SNAP91: variants seen among roughly 807,000 people sequenced by gnomAD.
SNAP91 encodes synaptosome associated protein 91.
SNAP91 carries 27 observed loss-of-function variants against 100.3 expected under a neutral mutation model. The observed-to-expected ratio is 0.27, with a 90% CI of 0.20 to 0.37. The LOEUF (loss-of-function observed/expected upper bound fraction) is 0.37. SNAP91 is among the 10% of genes least tolerant of loss of function. The pLI is 1.00. For missense variants in SNAP91, 986 were observed against 1,123.7 expected, an observed-to-expected ratio of 0.88 and a Z score of 1.75; for synonymous variants, 404 against 398.6, an observed-to-expected ratio of 1.01 and a Z score of -0.16.
intron 24 of SNAP91, among the ~76,000 whole-genome samples, chr6:83,578,305 G>C (rs1360753962): frequency 6.6e-6 from 1 of 151,978 alleles, no homozygotes; most frequent in East Asian, 1.9e-4. Context: ...TCTTTCTATA[G>C]CAGCTAAACC....
At chr6:83,611,066 C>A (rs1252273884) in intron 11 of SNAP91, among the ~76,000 whole-genome samples, 1 of 151,888 alleles carries the variant, frequency 6.6e-6, no homozygotes, top group African/African-American at 2.4e-5. Context: ...TTGGAAAAAA[C>A]CATGCTTTGC....
intron 4 of SNAP91, among the ~76,000 whole-genome samples, 180 bp downstream of exon 4, chr6:83,662,167 A>C (rs1023792330): frequency 1.3e-5 from 2 of 152,108 alleles, no homozygotes; most frequent in African/African-American, 2.4e-5. Context: ...AAATAAACTT[A>C]ATATATATTT....
At chr6:83,639,476 CA>C (rs1431609341) in intron 8 of SNAP91, among the ~76,000 whole-genome samples, 43 of 152,188 alleles carry the variant, frequency 2.8e-4, no homozygotes, top group Middle Eastern at 6.9e-3. Context: ...AAGTCTTAAT[CA>C]TAATGTTCAA....
At chr6:83,559,035 G>GT (rs1253919208) in intron 28 of SNAP91, among the ~76,000 whole-genome samples, 1 of 152,134 alleles carries the variant, frequency 6.6e-6, no homozygotes, top group Admixed American at 6.5e-5. Flanking sequence ...CTAAACTGAG[G>GT]TTTTTTCCTT....
chr6:83,709,239 G>C (rs2099421093), upstream of SNAP91: 3 of 152,234 alleles, frequency 2.0e-5, no homozygotes, highest in South Asian at 6.2e-4. Flanking sequence ...CCCCGGGGCC[G>C]GGAGCTTAAA....
chr6:83,662,313 T>G (rs1399782812), intron 4 of SNAP91, 34 bp downstream of exon 4: 1 of 1,076,412 alleles, frequency 9.3e-7, no homozygotes, highest in East Asian at 2.9e-5. Context: ...AATCAAAGCA[T>G]TGGCAAAAAA....
intron 26 of SNAP91, among the ~76,000 whole-genome samples, chr6:83,561,755 C>T (rs1048310229): frequency 2.0e-5 from 3 of 152,144 alleles, no homozygotes; most frequent in Non-Finnish European, 4.4e-5. Context: ...CCTGTAATCC[C>T]AGCATATTAG....
At position 83,593,259 on chromosome 6, in the gene SNAP91, T is replaced by C. The variant is rs941622692; in HGVS notation, c.1697A>G (p.Asp566Gly). Reference sequence around the variant, plus strand: ...AACTTCAGGAGTGGACTCAAATAAATCTAAGACCAAGAACACACATGCCTT... The same window carrying C: ...AACTTCAGGAGTGGACTCAAATAAACCTAAGACCAAGAACACACATGCCTT... ...TAPPALDIFG[D>G]LFESTPEVAA... is the part of the protein sequence containing the mutation. The change falls in exon 19 of 30, where the codon GAT becomes GGT. Residue 566 changes from aspartate to glycine, a missense_variant and splice_region_variant. Physicochemically the swap from Asp to Gly is moderately conservative, Grantham distance 94 (BLOSUM62 -1). Transcript: ENST00000369694. 16 of 1,587,030 alleles carry C rather than the reference T, an allele frequency of 1.0e-5. No homozygotes were observed. Among genetic ancestry groups the C allele is most frequent in the Non-Finnish European group, 1.4e-5 (16 of 1,166,102 alleles).
chr6:83,570,114 G>A (rs987062685), intron 26 of SNAP91, among the ~76,000 whole-genome samples: 7 of 152,058 alleles, frequency 4.6e-5, no homozygotes, highest in Non-Finnish European at 7.4e-5. Context: ...TGTGGGCTGC[G>A]GTGGTCTCAG....
At chr6:83,624,173 C>A (rs1198073519) in intron 8 of SNAP91, among the ~76,000 whole-genome samples, 2 of 151,160 alleles carry the variant, frequency 1.3e-5, no homozygotes, top group Non-Finnish European at 3.0e-5. Flanking sequence ...GGGATAGGGG[C>A]AGAGAAAGAG....
In SNAP91 at chr6:83,560,135, G is replaced by A. The variant is rs1406103068; in HGVS notation, c.2600C>T (p.Pro867Leu). The change falls in exon 28 of 30, where the codon CCC (proline) becomes CTC (leucine). Residue 867 changes from proline (P) to leucine (L), a missense_variant. Around this residue, in one of 4 missense-constraint regions of SNAP91, gnomAD observed 71 missense variants for 68.5 expected, o/e 1.04. Coordinates refer to ENST00000369694, the MANE Select transcript of SNAP91 (RefSeq NM_001242792.2). ...GCCAGGTACAGCGGCAGCTCCAAAG[G>A]GGGGCCTCATCATGGGCTGTGCAAA... ...VMFAQPMMRP[P>L]FGAAAVPGTQ... is the part of the protein sequence containing the mutation. 2 of 1,613,804 alleles carry A rather than the reference G, an allele frequency of 1.2e-6. No homozygotes were observed. The highest frequency in any genetic ancestry group is 2.7e-5 in the African/African-American group (2 of 74,928).
chr6:83,612,894 CAA>C (rs11451494), intron 11 of SNAP91, among the ~76,000 whole-genome samples: 2 of 94,290 alleles, frequency 2.1e-5, no homozygotes, highest in African/African-American at 4.4e-5. Flanking sequence ...GACTCAGTCT[CAA>C]AAAAAAAAAA....
At chr6:83,618,343 C>T (rs1015479025) in intron 9 of SNAP91, among the ~76,000 whole-genome samples, 5 of 150,936 alleles carry the variant, frequency 3.3e-5, no homozygotes, top group Admixed American at 6.6e-5. Flanking sequence ...ACAGCCCTGT[C>T]GGCATTATTT....
intron 2 of SNAP91, among the ~76,000 whole-genome samples, chr6:83,703,602 A>G (rs1393679023): frequency 1.3e-5 from 2 of 152,200 alleles, no homozygotes; most frequent in African/African-American, 4.8e-5. Context: ...AAAACTCAGT[A>G]CATGTCTCCT....
At chr6:83,619,007 C>G (rs1429957759) in intron 9 of SNAP91, among the ~76,000 whole-genome samples, 2 of 150,344 alleles carry the variant, frequency 1.3e-5, no homozygotes, top group African/African-American at 4.9e-5. Context: ...CAAAACAAAA[C>G]AAAACAAAAA....
chr6:83,656,689 C>G (rs2098413719), intron 7 of SNAP91, 65 bp downstream of exon 7: 1 of 687,948 alleles, frequency 1.5e-6, no homozygotes, highest in South Asian at 2.0e-5. Context: ...AGACTCACCC[C>G]ACAGAATTCA....
chr6:83,627,103 T>C (rs780340844), intron 8 of SNAP91, among the ~76,000 whole-genome samples: 1 of 152,152 alleles, frequency 6.6e-6, no homozygotes, highest in Non-Finnish European at 1.5e-5. Context: ...GCTGCATCTA[T>C]TGAGATAATT....
chr6:83,623,263 T>G (rs745821619), intron 9 of SNAP91, 38 bp downstream of exon 9: 10 of 1,529,210 alleles, frequency 6.5e-6, no homozygotes, highest in Non-Finnish European at 9.0e-6. Flanking sequence ...TGTAATAATC[T>G]CATGCATACT....
chr6:83,643,456 C>T (rs1361426568), intron 7 of SNAP91, among the ~76,000 whole-genome samples: 1 of 152,100 alleles, frequency 6.6e-6, no homozygotes, highest in Non-Finnish European at 1.5e-5. Context: ...AATCCTTTTC[C>T]CATTTCTTGT....
Sources: allele counts gnomAD v4.1 joint callset (sites outside exome capture counted in the v4.1 genomes callset), GRCh38; gene constraint gnomAD v4.1.1; regional missense constraint gnomAD v4.1.1; transcripts MANE v1.5; gene names NCBI Gene and HGNC (gene_info 2026-07-23, HGNC 2026-07-21).